Variants in DCAF17 observed in about 807,000 individuals in gnomAD.
The protein encoded by DCAF17 is DDB1 and CUL4 associated factor 17, also known as DDB1- and CUL4-associated factor 17.
A neutral mutation model predicts 66.0 loss-of-function variants in DCAF17; 48 were observed. The observed-to-expected ratio is 0.73, with a 90% CI of 0.58 to 0.92. DCAF17 has a LOEUF of 0.92. DCAF17 is among the 40% of genes least tolerant of loss of function. The pLI is 0.00. For synonymous variants in DCAF17, 206 were observed against 214.6 expected (o/e 0.96, Z 0.35); for missense variants, 562 against 622.8 (o/e 0.90, Z 1.04).
intron 2 of DCAF17, among the ~76,000 whole-genome samples, chr2:171,436,659 C>T (rs1438194621): frequency 1.3e-5 from 2 of 149,928 alleles, no homozygotes; most frequent in Non-Finnish European, 3.0e-5. Flanking sequence ...TTACAAAAAT[C>T]CTTACATATT....
rs1164282613 is a variant in DCAF17, at chr2:171,484,080, T to C, written c.*2966T>C. 2 of 454,056 alleles carry C rather than the reference T, an allele frequency of 4.4e-6. No individual in the cohort carries two copies. Among genetic ancestry groups the C allele is most frequent in the Admixed American group, 2.3e-5 (1 of 42,564 alleles). 28.1% of individuals were successfully genotyped at this position (454,056 alleles called of 1,614,324 possible). On this transcript the variant is annotated 3_prime_UTR_variant, in exon 14 of 14. Coordinates refer to ENST00000375255, the MANE Select transcript of DCAF17 (RefSeq NM_025000.4). ...CACATAAATTGACAGAAAATGTAGT[T>C]CTTCATTCAATGGTTAGCAGTCATT...
chr2:171,472,492 G>C (rs1218029953), intron 9 of DCAF17, among the ~76,000 whole-genome samples: 2 of 152,114 alleles, frequency 1.3e-5, no homozygotes, highest in Non-Finnish European at 2.9e-5. Flanking sequence ...TAACACTTCT[G>C]TACTTTCGAT....
chr2:171,470,814 C>T (rs1033976223), intron 9 of DCAF17, among the ~76,000 whole-genome samples: 1 of 152,078 alleles, frequency 6.6e-6, no homozygotes, highest in Non-Finnish European at 1.5e-5. Context: ...CACACGCACA[C>T]GTACAGATAC....
chr2:171,438,512 C>T (rs1412808174), intron 2 of DCAF17, among the ~76,000 whole-genome samples: 1 of 152,158 alleles, frequency 6.6e-6, no homozygotes, highest in Non-Finnish European at 1.5e-5. Context: ...GTGTTTGCCA[C>T]ATTGTGTTTT....
intron 6 of DCAF17, among the ~76,000 whole-genome samples, chr2:171,457,442 A>G (rs986888984): frequency 1.3e-5 from 2 of 152,216 alleles, no homozygotes; most frequent in African/African-American, 4.8e-5. Flanking sequence ...AAAATATGCA[A>G]TTAGAGAGAT....
chr2:171,472,111 GTTTAAT>G (rs1344875214), intron 9 of DCAF17, among the ~76,000 whole-genome samples: 5 of 152,140 alleles, frequency 3.3e-5, no homozygotes, highest in Non-Finnish European at 7.4e-5. Flanking sequence ...CTACTTTTCA[GTTTAAT>G]TTTACCTCCT....
chr2:171,473,370 T>C (rs553291279), intron 9 of DCAF17, among the ~76,000 whole-genome samples: 1 of 152,168 alleles, frequency 6.6e-6, no homozygotes, highest in South Asian at 2.1e-4. Context: ...TTTAAGAGGC[T>C]AAGGTGAGAG....
rs1451055311 is a variant in DCAF17, at chr2:171,473,444, A to T, written c.982-422A>T. On this transcript the variant is annotated intron_variant, in intron 9 of 13. Transcript: ENST00000375255. ...ACATAGCGAGACTCTATCTCTATTT[A>T]AAAAAAAACAAACAACATACACCAA... 2.6e-5 allele frequency among the ~76,000 whole-genome samples: 4 copies of T among 151,466 alleles called. No homozygotes were observed. The East Asian group carries it at 7.7e-4, about 29-fold the overall frequency.
chr2:171,452,327 GT>G (rs1479499149), intron 5 of DCAF17, among the ~76,000 whole-genome samples: 1 of 152,034 alleles, frequency 6.6e-6, no homozygotes, highest in African/African-American at 2.4e-5. Context: ...ACATTTCACA[GT>G]GGCAAGAAAT....
intron 8 of DCAF17, among the ~76,000 whole-genome samples, chr2:171,467,609 G>T (rs1304861597): frequency 6.6e-6 from 1 of 151,686 alleles, no homozygotes; most frequent in Non-Finnish European, 1.5e-5. Flanking sequence ...TACTTAGGAG[G>T]CTGTGTAATA....
intron 10 of DCAF17, among the ~76,000 whole-genome samples, chr2:171,476,259 T>A (rs979548398): frequency 6.6e-6 from 1 of 152,174 alleles, no homozygotes; most frequent in African/African-American, 2.4e-5. Flanking sequence ...TTTATTTTCT[T>A]TTAATAGGCT....
rs981393418 is a variant in DCAF17 at position 171,464,687 on chromosome 2, T to C, written c.839-4201T>C. Among the ~76,000 whole-genome samples the C allele has an allele frequency of 9.2e-5, 14 of 152,198 alleles. No individual in the cohort carries two copies. The East Asian group carries it at 2.5e-3, about 27-fold the overall frequency. On this transcript the variant is annotated intron_variant, in intron 8 of 13. Transcript: ENST00000375255. ...TAGTTGTGTTCATTGCAGTTGGATATCTTTACTTTTAGGTCCTTTAAATGA... is the reference window on the plus strand; with the variant it reads ...TAGTTGTGTTCATTGCAGTTGGATACCTTTACTTTTAGGTCCTTTAAATGA...
intron 1 of DCAF17, 72 bp from the exon 2 acceptor site, chr2:171,435,011 G>C: frequency 7.9e-7 from 1 of 1,262,766 alleles, no homozygotes; most frequent in Non-Finnish European, 1.1e-6. Context: ...ACATTATGTT[G>C]CTTTGAAAAT....
rs1696802336 is a variant in DCAF17 at position 171,482,922 on chromosome 2, A to G, written c.*1808A>G. ...GGTCCAAATGCCATCCAGGCCAGGC[A>G]GGAAATATACCTCATGTGAAAGACA... On this transcript the variant is annotated 3_prime_UTR_variant, in exon 14 of 14. Coordinates refer to ENST00000375255, the MANE Select transcript of DCAF17 (RefSeq NM_025000.4). 6.6e-6 allele frequency: 3 copies of G among 453,972 alleles called. No individual in the cohort carries two copies. The highest frequency in any genetic ancestry group is 4.7e-5 in the South Asian group (3 of 64,472). 28.1% of individuals were successfully genotyped at this position (453,972 alleles called of 1,614,324 possible).
chr2:171,458,910 C>G (rs977461410), intron 8 of DCAF17, among the ~76,000 whole-genome samples: 1 of 152,020 alleles, frequency 6.6e-6, no homozygotes, highest in Admixed American at 6.6e-5. Context: ...GACAGAACTT[C>G]CCAGTATACT....
chr2:171,471,635 A>G (rs1307479283), intron 9 of DCAF17, among the ~76,000 whole-genome samples: 1 of 152,208 alleles, frequency 6.6e-6, no homozygotes, highest in African/African-American at 2.4e-5. Flanking sequence ...TCTATTAGAT[A>G]TAATTAGGAT....
intron 8 of DCAF17, among the ~76,000 whole-genome samples, chr2:171,460,326 A>G (rs1356654561): frequency 6.7e-6 from 1 of 150,230 alleles, no homozygotes; most frequent in Non-Finnish European, 1.5e-5. Flanking sequence ...CCATCTCAAA[A>G]AAAAAAAAAA....
chr2:171,457,606 A>G (rs1695333311), intron 6 of DCAF17, among the ~76,000 whole-genome samples: 1 of 152,228 alleles, frequency 6.6e-6, no homozygotes, highest in Admixed American at 6.5e-5. Flanking sequence ...TTGGAAGAGT[A>G]TGAATAGTAG....
rs1434049229 is a variant in DCAF17, at chr2:171,482,300, A to G, written c.*1186A>G. 4.4e-6 allele frequency: 2 copies of G among 453,840 alleles called. No homozygotes were observed. The highest frequency in any genetic ancestry group is 4.0e-5 in the African/African-American group (2 of 50,002). 28.1% of individuals were successfully genotyped at this position (453,840 alleles called of 1,614,324 possible). On this transcript the variant is annotated 3_prime_UTR_variant, in exon 14 of 14. Coordinates refer to ENST00000375255, the MANE Select transcript of DCAF17 (RefSeq NM_025000.4). ...GAAACAGCAGCAACAATCATTGCTG[A>G]TTCAAGTTTAAGGTTAAAATATGGA...
Sources: allele counts gnomAD v4.1 joint callset (sites outside exome capture counted in the v4.1 genomes callset), GRCh38; gene constraint gnomAD v4.1.1; transcripts MANE v1.5; gene names NCBI Gene and HGNC (gene_info 2026-07-23, HGNC 2026-07-21).